The following CXXC5 variants were observed in gnomAD, a reference collection of about 807,000 sequenced individuals.
CXXC5 encodes the protein CXXC finger protein 5.
A neutral mutation model predicts 17.6 loss-of-function variants in CXXC5; 2 were observed. That is an observed-to-expected ratio of 0.11 (90% CI 0.05 to 0.36). The LOEUF is 0.36. CXXC5 is among the 10% of genes least tolerant of loss of function. The pLI is 1.00. For missense variants in CXXC5, 343 were observed against 458.3 expected (o/e 0.75, Z 2.30); for synonymous variants, 171 against 193.0 (o/e 0.89, Z 0.94).
intron 1 of CXXC5, among the ~76,000 whole-genome samples, chr5:139,669,977 G>T (rs1348187086): frequency 6.6e-6 from 1 of 152,232 alleles, no homozygotes; most frequent in Non-Finnish European, 1.5e-5. Flanking sequence ...GCTGGGGCCA[G>T]CCTGAGCCTC....
chr5:139,651,230 G>A (rs1014159606), intron 1 of CXXC5: 2 of 152,346 alleles, frequency 1.3e-5, no homozygotes, highest in African/African-American at 2.4e-5. Flanking sequence ...TTATTTATGT[G>A]TGTATCTGGT....
At chr5:139,674,572 G>C (rs539472294) in intron 1 of CXXC5, among the ~76,000 whole-genome samples, 1 of 152,378 alleles carries the variant, frequency 6.6e-6, no homozygotes, top group African/African-American at 2.4e-5. Context: ...AAGGAATGGC[G>C]GGGATGGTGC....
intron 1 of CXXC5, among the ~76,000 whole-genome samples, chr5:139,673,584 G>A (rs1756600811): frequency 6.6e-6 from 1 of 152,214 alleles, no homozygotes; most frequent in Non-Finnish European, 1.5e-5. Context: ...GCTCACGCCT[G>A]TAACCCCAGC....
At position 139,650,837 on chromosome 5, in the gene CXXC5, G is replaced by T. The variant is rs117570076; in HGVS notation, c.-161+1992G>T. Among the ~76,000 whole-genome samples the T allele has an allele frequency of 1.8e-3, 269 of 152,178 alleles. 7 individuals carry two copies. The East Asian group carries it at 0.041, about 23-fold the overall frequency. ...ACTCAGGCCGGCGGGCTACCTACCC[G>T]TAACTGCGTATTGTTGATTTAGCAG... On this transcript the variant is annotated intron_variant, in intron 1 of 2. Transcript: ENST00000302517.
chr5:139,668,882 C>A lies in CXXC5; in HGVS notation c.-160-11482C>A, dbSNP rs1756287390. Among the ~76,000 whole-genome samples, 1 of 152,164 alleles carries A rather than the reference C, an allele frequency of 6.6e-6. No homozygotes were observed. Among genetic ancestry groups the A allele is most frequent in the Non-Finnish European group, 1.5e-5 (1 of 68,036 alleles). On this transcript the variant is annotated intron_variant, in intron 1 of 2. Coordinates refer to ENST00000302517, the MANE Select transcript of CXXC5 (RefSeq NM_016463.9). The surrounding 1 kb of genome is among the most constrained non-coding windows in gnomAD (Gnocchi z 4.1). ...TATGTAGAGTCCTTAGCCTCGGTTT[C>A]CCCGTTTGTAAACCATCAGCACCAG...
intron 1 of CXXC5, among the ~76,000 whole-genome samples, chr5:139,654,071 A>C (rs1482078013): frequency 6.6e-6 from 1 of 152,072 alleles, no homozygotes; most frequent in Non-Finnish European, 1.5e-5. Context: ...GACCAAGCAG[A>C]TCACTCTAGC....
chr5:139,676,987 GC>G (rs1277465683), intron 1 of CXXC5, among the ~76,000 whole-genome samples: 1 of 116,488 alleles, frequency 8.6e-6, no homozygotes, highest in Admixed American at 9.5e-5. Flanking sequence ...TCCCCCCTCA[GC>G]CCCCCGTGCT....
intron 1 of CXXC5, chr5:139,675,424 A>G (rs356450): frequency 0.33 from 49,958 of 152,024 alleles, 8,607 homozygotes; most frequent in Middle Eastern, 0.39. Context: ...AGCTGGCATT[A>G]TGATGTCACT....
rs2126824420 is a variant in CXXC5, at chr5:139,680,385, A to G, written c.-139A>G. ...ACAGAGTGAAGACATTTCCACCTGG[A>G]CACCTGACCATGTGCCTGCCCTGAG... On this transcript the variant is annotated 5_prime_UTR_variant, in exon 2 of 3. Coordinates refer to ENST00000302517, the MANE Select transcript of CXXC5 (RefSeq NM_016463.9). 8.0e-7 allele frequency: 1 copy of G among 1,247,062 alleles called. No homozygotes were observed. Among genetic ancestry groups the G allele is most frequent in the Middle Eastern group, 2.8e-4 (1 of 3,556 alleles). 77.2% of individuals were successfully genotyped at this position (1,247,062 alleles called of 1,614,324 possible).
In CXXC5 at chr5:139,670,155, T is replaced by C. The variant is rs940746485; in HGVS notation, c.-160-10209T>C. 6.6e-6 allele frequency among the ~76,000 whole-genome samples: 1 copy of C among 152,172 alleles called. No homozygotes were observed. Among genetic ancestry groups the C allele is most frequent in the Non-Finnish European group, 1.5e-5 (1 of 68,024 alleles). ...CCTCATTATTTTTGTGTTCCGGGGC[T>C]GCGGCGACACCTCCCTCCCTCCTCC... On this transcript the variant is annotated intron_variant, in intron 1 of 2. Transcript: ENST00000302517. The surrounding 1 kb of genome is among the most constrained non-coding windows in gnomAD (Gnocchi z 4.2).
Position 139,680,733 on chromosome 5 carries a change from C to T in CXXC5, c.210C>T (p.Asn70=), listed in dbSNP as rs572740082. The T allele has an allele frequency of 8.7e-6, 14 of 1,613,510 alleles. No homozygotes were observed. Among genetic ancestry groups the T allele is most frequent in the East Asian group, 6.7e-5 (3 of 44,864 alleles). Residue 70 remains asparagine (N), a synonymous_variant, in exon 2 of 3, where the codon AAC becomes AAT. Coordinates refer to ENST00000302517, the MANE Select transcript of CXXC5 (RefSeq NM_016463.9). ...GCGGTATCATCAGTGAGCCCCTCAA[C>T]AAGAGCCTGCGCCGCTCCCGCCCGC... ...NKSGIISEPL[N]KSLRRSRPLS... is the part of the protein sequence containing the mutation.
chr5:139,653,452 T>C (rs1453431035), intron 1 of CXXC5, among the ~76,000 whole-genome samples: 9 of 152,098 alleles, frequency 5.9e-5, no homozygotes, highest in Non-Finnish European at 1.0e-4. Flanking sequence ...AGCACATGCT[T>C]GCACATGTAT....
rs776750218 is a variant in CXXC5 at position 139,680,700 on chromosome 5, G to A, written c.177G>A (p.Arg59=). 1 of 1,613,428 alleles carries A rather than the reference G, an allele frequency of 6.2e-7. No homozygotes were observed. Among genetic ancestry groups the A allele is most frequent in the Non-Finnish European group, 8.5e-7 (1 of 1,180,020 alleles). The part of the protein sequence containing the change: ...VADDTPPPER[R]NKSGIISEPL... ...ATGACACACCACCCCCCGAGCGTCG[G>A]AACAAGAGCGGTATCATCAGTGAGC... The change falls in exon 2 of 3, where the codon CGG becomes CGA. Residue 59 remains arginine (R), a synonymous_variant. Transcript: ENST00000302517.
chr5:139,660,232 G>A (rs1004749269), intron 1 of CXXC5, among the ~76,000 whole-genome samples: 12 of 152,328 alleles, frequency 7.9e-5, no homozygotes, highest in Non-Finnish European at 1.0e-4. Context: ...GTGCCTTGTC[G>A]AGGGCCTGCA....
At position 139,681,578 on chromosome 5, in the gene CXXC5, G is replaced by GC. The variant is rs1403786925; in HGVS notation, c.924+133dup. The GC allele has an allele frequency of 2.1e-4, 241 of 1,164,940 alleles. No homozygotes were observed. The East Asian group carries it at 6.0e-3, about 29-fold the overall frequency. The allele number at this position is 1,164,940 out of a possible 1,614,324, so 72.2% of individuals were successfully genotyped here. On this transcript the variant is annotated intron_variant, in intron 2 of 2. Coordinates refer to ENST00000302517, the MANE Select transcript of CXXC5 (RefSeq NM_016463.9). ...GGGATGCCCCCTCCCAGTCCTTGGG[G>GC]CCTGGGGGTCTGGCTTCAAGACACC...
Position 139,661,554 on chromosome 5 carries a change from G to A in CXXC5, c.-161+12709G>A, listed in dbSNP as rs185336390. On this transcript the variant is annotated intron_variant, in intron 1 of 2. Coordinates refer to ENST00000302517, the MANE Select transcript of CXXC5 (RefSeq NM_016463.9). The surrounding 1 kb of genome is among the most constrained non-coding windows in gnomAD (Gnocchi z 4.7). ...CACACCCACTGGCACGTACCTAGGC[G>A]AATGCACATACACAGGCACACATAG... is the stretch of plus-strand genomic sequence containing the variant. 1.3e-5 allele frequency among the ~76,000 whole-genome samples: 2 copies of A among 152,312 alleles called. No individual in the cohort carries two copies. Among genetic ancestry groups the A allele is most frequent in the Admixed American group, 1.3e-4 (2 of 15,304 alleles).
At position 139,658,257 on chromosome 5, in the gene CXXC5, CATAG is replaced by C. The variant is rs1395928457; in HGVS notation, c.-161+9418_-161+9421del. Reference sequence around the variant, plus strand: ...TTTCTTAGTCATGGGAGTCTAGAATCATAGATAGAATGCTTGGAATGGAGGCATT... The same window carrying C: ...TTTCTTAGTCATGGGAGTCTAGAATCATAGAATGCTTGGAATGGAGGCATT... On this transcript the variant is annotated intron_variant, in intron 1 of 2. Transcript: ENST00000302517. The surrounding 1 kb of genome is among the most constrained non-coding windows in gnomAD (Gnocchi z 4.1). 2.0e-5 allele frequency among the ~76,000 whole-genome samples: 3 copies of C among 152,148 alleles called. No individual in the cohort carries two copies. The highest frequency in any genetic ancestry group is 3.8e-4 in the East Asian group (2 of 5,198).
chr5:139,669,590 C>T (rs747014967), intron 1 of CXXC5, among the ~76,000 whole-genome samples: 2 of 152,136 alleles, frequency 1.3e-5, no homozygotes. Context: ...TCGGTGCCCA[C>T]ACCAAGTGAT....
At chr5:139,655,181 C>T (rs746888864) in intron 1 of CXXC5, among the ~76,000 whole-genome samples, 7 of 152,128 alleles carry the variant, frequency 4.6e-5, no homozygotes, top group Non-Finnish European at 5.9e-5. Context: ...CACTAATCCC[C>T]GAGGCCCATC....
Sources: gnomAD v4.1 joint callset for allele counts (sites outside exome capture counted in the v4.1 genomes callset) on GRCh38, gnomAD v4.1.1 for gene constraint, Gnocchi (gnomAD v3.1) non-coding constraint, MANE v1.5 for transcripts, NCBI Gene and HGNC (gene_info 2026-07-23, HGNC 2026-07-21) for gene names.